The following MAST1 variants were observed in gnomAD, a reference collection of about 807,000 sequenced individuals.
MAST1 encodes the protein microtubule-associated serine/threonine-protein kinase 1.
MAST1 carries 40 observed loss-of-function variants against 124.6 expected under a neutral mutation model. The observed-to-expected ratio is 0.32, with a 90% CI of 0.25 to 0.42. The LOEUF is 0.42. MAST1 is among the 10% of genes least tolerant of loss of function. The pLI is 1.00. For synonymous variants in MAST1, 938 were observed against 939.4 expected, an observed-to-expected ratio of 1.00 and a Z score of 0.03; for missense variants, 1,558 against 2,181.9, an observed-to-expected ratio of 0.71 and a Z score of 5.70.
rs751819210 is a variant in MAST1, at chr19:12,867,779, C to A, written c.2368C>A (p.Pro790Thr). The A allele has an allele frequency of 6.4e-7, 1 of 1,558,288 alleles. No individual in the cohort carries two copies. Among genetic ancestry groups the A allele is most frequent in the South Asian group, 1.2e-5 (1 of 86,292 alleles). The change falls in exon 20 of 26, where the codon CCC becomes ACC. Residue 790 changes from proline (P) to threonine (T), a missense_variant. Pro to Thr is a conservative substitution (Grantham distance 38). This residue lies in a region of MAST1 where 287 missense variants were observed against 308.0 expected (regional missense o/e 0.93). Coordinates refer to ENST00000251472, the MANE Select transcript of MAST1 (RefSeq NM_014975.3). Reference sequence around the variant, plus strand: ...CAGTTTCCTGGAGGGAGAGGCCAGTCCCCCTTTGGGCGCCCGCCGCCGTTT... The same window carrying A: ...CAGTTTCCTGGAGGGAGAGGCCAGTACCCCTTTGGGCGCCCGCCGCCGTTT... ...EASFLEGEAS[P>T]PLGARRRFSA...
intron 3 of MAST1, among the ~76,000 whole-genome samples, chr19:12,842,628 A>G (rs943235092): frequency 8.5e-5 from 13 of 152,168 alleles, no homozygotes; most frequent in African/African-American, 3.1e-4. Context: ...TTACACATGC[A>G]CATGCTAATG....
chr19:12,866,516 A>G lies in MAST1; in HGVS notation c.2030-137A>G. The G allele has an allele frequency of 1.6e-6, 1 of 637,300 alleles. No homozygotes were observed. The highest frequency in any genetic ancestry group is 1.9e-5 in the South Asian group (1 of 53,612). The allele number at this position is 637,300 out of a possible 1,614,324, so 39.5% of individuals were successfully genotyped here. On this transcript the variant is annotated intron_variant, in intron 17 of 25. Coordinates refer to ENST00000251472, the MANE Select transcript of MAST1 (RefSeq NM_014975.3). The surrounding 1 kb of genome is among the most constrained non-coding windows in gnomAD (Gnocchi z 5.2). ...CTTGCCTGGGAGCGGAGCCTAAATT[A>G]AATACACTAATGAGGCAGGGGCGTG... is the stretch of plus-strand genomic sequence containing the variant.
In MAST1 at chr19:12,873,378, T is replaced by C. The variant is rs910052333; in HGVS notation, c.3318T>C (p.His1106=). The stretch of plus-strand genomic sequence containing the variant: ...TCACGAAGCAGTCGAACCTGCTGCA[T>C]ACTAGCCGCTCGCTGTCGTCGCTGA... ...RKITKQSNLL[H]TSRSLSSLNR... is the part of the protein sequence containing the mutation. Residue 1106 remains histidine (H), a synonymous_variant, in exon 25 of 26, where the codon CAT becomes CAC. Coordinates refer to ENST00000251472, the MANE Select transcript of MAST1 (RefSeq NM_014975.3). 1.2e-6 allele frequency: 2 copies of C among 1,614,082 alleles called. No homozygotes were observed. The highest frequency in any genetic ancestry group is 1.7e-6 in the Non-Finnish European group (2 of 1,179,998).
At chr19:12,869,017 A>T (rs1359879709) in intron 21 of MAST1, 49 bp from the exon 22 acceptor site, 1 of 1,584,456 alleles carries the variant, frequency 6.3e-7, no homozygotes, top group Admixed American at 1.7e-5. Flanking sequence ...ATACAGGGAG[A>T]TGTCTATCTT....
At position 12,852,103 on chromosome 19, in the gene MAST1, G is replaced by A. The variant is rs367681560; in HGVS notation, c.877-12G>A. 4 of 1,613,480 alleles carry A rather than the reference G, an allele frequency of 2.5e-6. No homozygotes were observed. The African/African-American group carries it at 4.0e-5, about 16-fold the overall frequency. On this transcript the variant is annotated splice_polypyrimidine_tract_variant and intron_variant, in intron 8 of 25. Transcript: ENST00000251472. The stretch of plus-strand genomic sequence containing the variant: ...GGGAGCCTGTGGTGAGCCCACTCCT[G>A]CCCTGCCTCAGGAATTCAACCCCGA...
Position 12,874,373 on chromosome 19 carries a change from G to A in MAST1, c.4216G>A (p.Ala1406Thr), listed in dbSNP as rs1350158589. The A allele has an allele frequency of 1.9e-6, 3 of 1,598,142 alleles. No individual in the cohort carries two copies. In the East Asian group the frequency reaches 6.7e-5, roughly 36 times the overall value. ...GGATGGCACTGGCGGGATGGCCAGG[G>A]CTGTGGCCAAGGCGGCGCTGAGCCC... ...TEDGTGGMAR[A>T]VAKAALSPVQ... The change falls in exon 26 of 26, where the codon GCT (alanine) becomes ACT (threonine). Residue 1406 changes from alanine (A) to threonine (T), a missense_variant. Ala to Thr is a moderately conservative substitution (Grantham distance 58). Around this residue, in one of 10 missense-constraint regions of MAST1, gnomAD observed 263 missense variants for 310.9 expected, o/e 0.85. Transcript: ENST00000251472. This position sits in a 1 kb window ranked among gnomAD's most constrained non-coding sequence, Gnocchi z 6.6.
intron 7 of MAST1, 130 bp downstream of exon 7, chr19:12,848,187 G>C (rs1384656717): frequency 1.1e-5 from 9 of 811,066 alleles, no homozygotes; most frequent in Middle Eastern, 2.7e-4. Context: ...GTGGAGCTGA[G>C]GACTCAGGGG....
chr19:12,853,982 G>A (rs1969992760), intron 10 of MAST1, among the ~76,000 whole-genome samples: 1 of 151,282 alleles, frequency 6.6e-6, no homozygotes, highest in Non-Finnish European at 1.5e-5. Context: ...TTAGATCTAT[G>A]TAGTTGCAGA....
rs1328774214 is a variant in MAST1, at chr19:12,867,632, G to T, written c.2298G>T (p.Trp766Cys). The T allele has an allele frequency of 6.2e-7, 1 of 1,605,178 alleles. No homozygotes were observed. Among genetic ancestry groups the T allele is most frequent in the East Asian group, 2.2e-5 (1 of 44,668 alleles). Residue 766 changes from tryptophan to cysteine, a missense_variant, in exon 19 of 26, where the codon TGG (tryptophan) becomes TGT (cysteine). Physicochemically the swap from Trp to Cys is radical, Grantham distance 215 (BLOSUM62 -2). Around this residue, in one of 10 missense-constraint regions of MAST1, gnomAD observed 287 missense variants for 308.0 expected, o/e 0.93. Transcript: ENST00000251472. ...LGGLTLREKT[W>C]RGGSPEIKRF... Reference sequence around the variant, plus strand: ...GCCTGACCCTGCGTGAGAAGACCTGGAGAGGGGGCTCTCCGGAGATGTGAG... The same window carrying T: ...GCCTGACCCTGCGTGAGAAGACCTGTAGAGGGGGCTCTCCGGAGATGTGAG...
rs528017416 is a variant in MAST1, at chr19:12,868,680, G to A, written c.2604G>A (p.Ser868=). Residue 868 remains serine (S), a synonymous_variant, in exon 21 of 26, where the codon TCG becomes TCA. Coordinates refer to ENST00000251472, the MANE Select transcript of MAST1 (RefSeq NM_014975.3). The part of the protein sequence containing the change: ...RPRPGDLCPP[S]KDGDASGPRA... ...GCCCAGGTGACCTCTGCCCACCCTC[G>A]AAGGATGGGGATGCATCAGGCCCAA... 16 of 1,609,594 alleles carry A rather than the reference G, an allele frequency of 9.9e-6. 2 individuals are homozygous for A. The South Asian group carries it at 1.2e-4, about 12-fold the overall frequency.
At chr19:12,870,689 A>T in intron 22 of MAST1, 135 bp from the exon 23 acceptor site, 2 of 767,138 alleles carry the variant, frequency 2.6e-6, no homozygotes, top group Non-Finnish European at 3.7e-6. Context: ...ATGTGGGGGG[A>T]GGAATAATAA....
chr19:12,865,900 C>A lies in MAST1; in HGVS notation c.1907-80C>A. 6.2e-7 allele frequency: 1 copy of A among 1,605,558 alleles called. No homozygotes were observed. Among genetic ancestry groups the A allele is most frequent in the South Asian group, 1.1e-5 (1 of 90,482 alleles). ...ACCCCAGGCCCAGCCTGTGCTGTGGCCCCGGGGCGGAAGACATGGGGGGCG... is the reference window on the plus strand; with the variant it reads ...ACCCCAGGCCCAGCCTGTGCTGTGGACCCGGGGCGGAAGACATGGGGGGCG... On this transcript the variant is annotated intron_variant, in intron 16 of 25. Transcript: ENST00000251472. This position sits in a 1 kb window ranked among gnomAD's most constrained non-coding sequence, Gnocchi z 7.1.
intron 12 of MAST1, among the ~76,000 whole-genome samples, chr19:12,860,948 T>G (rs1970074199): frequency 6.6e-6 from 1 of 152,044 alleles, no homozygotes; most frequent in African/African-American, 2.4e-5. Context: ...CATGCTGTGC[T>G]AGGTGCCAGT....
Position 12,866,179 on chromosome 19 carries a change from G to A in MAST1, c.2029+77G>A. The A allele has an allele frequency of 6.3e-7, 1 of 1,590,420 alleles. No individual in the cohort carries two copies. The highest frequency in any genetic ancestry group is 1.7e-5 in the Admixed American group (1 of 57,488). On this transcript the variant is annotated intron_variant, in intron 17 of 25. Coordinates refer to ENST00000251472, the MANE Select transcript of MAST1 (RefSeq NM_014975.3). The surrounding 1 kb of genome is among the most constrained non-coding windows in gnomAD (Gnocchi z 5.2). ...AGGGACCCTGGGGTAAGTAAAGCCT[G>A]GGATAGGGCCTGGCTAAGTACCAAG...
At chr19:12,848,682 G>A (rs1020968903) in intron 7 of MAST1, 3 of 152,202 alleles carry the variant, frequency 2.0e-5, no homozygotes, top group African/African-American at 7.2e-5. Context: ...ACTTAGCCGG[G>A]TGCGGTGGCT....
At position 12,867,783 on chromosome 19, in the gene MAST1, C is replaced by A. The variant is rs1406742817; in HGVS notation, c.2372C>A (p.Pro791His). Reference sequence around the variant, plus strand: ...TTCCTGGAGGGAGAGGCCAGTCCCCCTTTGGGCGCCCGCCGCCGTTTCTCG... The same window carrying A: ...TTCCTGGAGGGAGAGGCCAGTCCCCATTTGGGCGCCCGCCGCCGTTTCTCG... Reference protein sequence around the residue: ...ASFLEGEASPPLGARRRFSAL... With the variant: ...ASFLEGEASPHLGARRRFSAL... The change falls in exon 20 of 26, where the codon CCT becomes CAT. Residue 791 changes from proline (P) to histidine (H), a missense_variant. This residue lies in a region of MAST1 where 287 missense variants were observed against 308.0 expected (regional missense o/e 0.93). Coordinates refer to ENST00000251472, the MANE Select transcript of MAST1 (RefSeq NM_014975.3). 1 of 1,562,660 alleles carries A rather than the reference C, an allele frequency of 6.4e-7. No homozygotes were observed. The highest frequency in any genetic ancestry group is 8.7e-7 in the Non-Finnish European group (1 of 1,155,556).
intron 12 of MAST1, among the ~76,000 whole-genome samples, chr19:12,861,682 CTT>C (rs766304452): frequency 5.4e-4 from 28 of 52,152 alleles, no homozygotes; most frequent in Admixed American, 7.8e-4. Flanking sequence ...CTTTTTCTCT[CTT>C]TCTTTCTTTC....
At chr19:12,842,410 A>T (rs1969842086) in intron 3 of MAST1, among the ~76,000 whole-genome samples, 1 of 151,836 alleles carries the variant, frequency 6.6e-6, no homozygotes, top group Non-Finnish European at 1.5e-5. Flanking sequence ...CTCCTGCCTC[A>T]GCTTCCCAAG....
chr19:12,874,916 T>G lies in MAST1; in HGVS notation c.*46T>G. The G allele has an allele frequency of 6.5e-7, 1 of 1,548,868 alleles. No homozygotes were observed. The highest frequency in any genetic ancestry group is 8.7e-7 in the Non-Finnish European group (1 of 1,151,430). On this transcript the variant is annotated 3_prime_UTR_variant, in exon 26 of 26. Coordinates refer to ENST00000251472, the MANE Select transcript of MAST1 (RefSeq NM_014975.3). The surrounding 1 kb of genome is among the most constrained non-coding windows in gnomAD (Gnocchi z 6.6). ...GCGCTGTACAGCCTCCGTATACATATGTACACATATAAATAAAGTGCGTCC... is the reference window on the plus strand; with the variant it reads ...GCGCTGTACAGCCTCCGTATACATAGGTACACATATAAATAAAGTGCGTCC...
Sources: gnomAD v4.1 joint callset for allele counts (sites outside exome capture counted in the v4.1 genomes callset) on GRCh38, gnomAD v4.1.1 for gene constraint, gnomAD v4.1.1 regional missense constraint, Gnocchi (gnomAD v3.1) non-coding constraint, MANE v1.5 for transcripts, NCBI Gene and HGNC (gene_info 2026-07-23, HGNC 2026-07-21) for gene names.